KLHDC4: variants seen among roughly 807,000 people sequenced by gnomAD.
KLHDC4 encodes the protein kelch domain-containing protein 4.
Under a neutral mutation model 62.4 loss-of-function variants are expected in KLHDC4, and 90 were observed. The ratio of observed to expected loss-of-function variants is 1.44; its 90% confidence interval spans 1.22 to 1.72. KLHDC4 has a LOEUF of 1.72. KLHDC4 is among the 40% of genes most tolerant of loss of function. The pLI, the probability that KLHDC4 is intolerant of heterozygous loss-of-function variation, is 0.00. For missense variants in KLHDC4, 1,025 were observed against 699.7 expected (o/e 1.47, Z -5.25); for synonymous variants, 386 against 284.4 (o/e 1.36, Z -3.59).
chr16:87,719,803 G>C (rs1421202640), intron 7 of KLHDC4, among the ~76,000 whole-genome samples: 1 of 152,236 alleles, frequency 6.6e-6, no homozygotes, highest in Non-Finnish European at 1.5e-5. Flanking sequence ...GAGAGATCAA[G>C]TGTCAACATG....
intron 5 of KLHDC4, among the ~76,000 whole-genome samples, chr16:87,731,220 C>T (rs548365872): frequency 1.3e-5 from 2 of 151,840 alleles, no homozygotes; most frequent in South Asian, 2.1e-4. Flanking sequence ...TGCACCACCA[C>T]ACCTGGCTGA....
At chr16:87,760,013 C>A (rs981738953) in intron 2 of KLHDC4, among the ~76,000 whole-genome samples, 20 of 152,096 alleles carry the variant, frequency 1.3e-4, no homozygotes, top group African/African-American at 4.6e-4. Flanking sequence ...CATTTAGAAA[C>A]TGGTCATTCT....
At chr16:87,752,336 T>C (rs1165498681) in intron 4 of KLHDC4, among the ~76,000 whole-genome samples, 2 of 133,874 alleles carry the variant, frequency 1.5e-5, no homozygotes, top group Admixed American at 8.0e-5. Flanking sequence ...GCACTGTTTT[T>C]TCTTTTTTTT....
exon 1 of KLHDC4, chr16:87,701,095 C>T (rs2034123117): frequency 5.4e-6 from 1 of 184,942 alleles, no homozygotes; most frequent in Non-Finnish European, 1.1e-5. Context: ...GCTGTATTTT[C>T]ACCATGTGCC....
At chr16:87,700,954 C>G (rs1460405519) in exon 1 of KLHDC4, 4 of 234,072 alleles carry the variant, frequency 1.7e-5, no homozygotes, top group Non-Finnish European at 2.6e-5. Context: ...GCGCCCAGGC[C>G]GCGTGTCAGG....
At chr16:87,708,699 C>G (rs563375424) in intron 10 of KLHDC4, among the ~76,000 whole-genome samples, 1 of 152,222 alleles carries the variant, frequency 6.6e-6, no homozygotes, top group African/African-American at 2.4e-5. Context: ...ACCCCCATAA[C>G]GGAGCGGCTG....
Position 87,709,610 on chromosome 16 carries a change from C to T in KLHDC4, c.1102G>A (p.Gly368Ser). The T allele has an allele frequency of 2.5e-6, 4 of 1,610,650 alleles. No individual in the cohort carries two copies. The highest frequency in any genetic ancestry group is 3.4e-6 in the Non-Finnish European group (4 of 1,178,568). Reference protein sequence around the residue: ...RRGRKEEPEGGSRPACGGAGT... With the variant: ...RRGRKEEPEGSSRPACGGAGT... ...GCTCCCCCACACGCCGGCCTGCTAC[C>T]ACCTTCGGGCTCCTCTTTTCTGCCC... is the stretch of plus-strand genomic sequence containing the variant. Residue 368 changes from glycine (G) to serine (S), a missense_variant, in exon 10 of 12, where the codon GGT becomes AGT. Transcript: ENST00000270583.
chr16:87,752,228 G>A (rs536211747), intron 4 of KLHDC4, among the ~76,000 whole-genome samples: 75 of 147,482 alleles, frequency 5.1e-4, no homozygotes, highest in African/African-American at 1.7e-3. Flanking sequence ...GCAATATAGC[G>A]AGACCCGTTC....
rs576715000 is a variant in KLHDC4, at chr16:87,756,472, T to C, written c.197A>G (p.Asn66Ser). Residue 66 changes from asparagine (N) to serine (S), a missense_variant, in exon 3 of 12, where the codon AAT becomes AGT. Asn to Ser is a conservative substitution (Grantham distance 46). Transcript: ENST00000270583. The stretch of plus-strand genomic sequence containing the variant: ...CTCAGGATGAACCGAGAGGGAGGCA[T>C]TTAACCTACAAGACACACAAGCGGC... The part of the protein sequence containing the change: ...LPCPPPSPRL[N>S]ASLSVHPEKD... 184 of 1,613,470 alleles carry C rather than the reference T, an allele frequency of 1.1e-4. 2 individuals are homozygous for C. The South Asian group carries it at 1.9e-3, about 17-fold the overall frequency.
chr16:87,748,859 C>G (rs760149423), intron 4 of KLHDC4, 50 bp from the exon 5 acceptor site: 4 of 1,606,614 alleles, frequency 2.5e-6, no homozygotes, highest in African/African-American at 1.4e-5. Flanking sequence ...AGCAGAAGGG[C>G]CAGTGTCATG....
In KLHDC4 at chr16:87,748,715, A is replaced by T; in HGVS notation, c.464T>A (p.Leu155His). Reference sequence around the variant, plus strand: ...CTTGGTGGCCAAATGCAGGACCCAGAGATCCTTGTAGTGGTAGAACTGCTC... The same window carrying T: ...CTTGGTGGCCAAATGCAGGACCCAGTGATCCTTGTAGTGGTAGAACTGCTC... ...NGEQFYHYKD[L>H]WVLHLATKTW... is the part of the protein sequence containing the mutation. The change falls in exon 5 of 12, where the codon CTC (leucine) becomes CAC (histidine). Residue 155 changes from leucine to histidine, a missense_variant. Physicochemically the swap from Leu to His is moderately conservative, Grantham distance 99. Transcript: ENST00000270583. 1.2e-6 allele frequency: 2 copies of T among 1,613,630 alleles called. No individual in the cohort carries two copies. The highest frequency in any genetic ancestry group is 1.7e-6 in the Non-Finnish European group (2 of 1,179,938).
chr16:87,753,717 C>T (rs1567813843), intron 4 of KLHDC4, among the ~76,000 whole-genome samples: 1 of 151,832 alleles, frequency 6.6e-6, no homozygotes, highest in African/African-American at 2.4e-5. Flanking sequence ...AGGAGAATCT[C>T]TTGAACTCAG....
At chr16:87,715,667 T>A (rs1025905628) in intron 7 of KLHDC4, among the ~76,000 whole-genome samples, 4 of 152,150 alleles carry the variant, frequency 2.6e-5, no homozygotes, top group Admixed American at 6.5e-5. Context: ...GGGTTATGAA[T>A]CATTAGGACG....
chr16:87,748,727 T>A lies in KLHDC4; in HGVS notation c.452A>T (p.His151Leu), dbSNP rs1326401711. Residue 151 changes from histidine (H) to leucine (L), a missense_variant, in exon 5 of 12, where the codon CAC becomes CTC. Coordinates refer to ENST00000270583, the MANE Select transcript of KLHDC4 (RefSeq NM_017566.4). The part of the protein sequence containing the change: ...FASPNGEQFY[H>L]YKDLWVLHLA... ...ATGCAGGACCCAGAGATCCTTGTAG[T>A]GGTAGAACTGCTCTCCGTTGGGAGA... 1.9e-6 allele frequency: 3 copies of A among 1,613,444 alleles called. No homozygotes were observed. Among genetic ancestry groups the A allele is most frequent in the Non-Finnish European group, 2.5e-6 (3 of 1,179,940 alleles).
At chr16:87,746,373 GAGAA>G (rs992880703) in intron 5 of KLHDC4, among the ~76,000 whole-genome samples, 7 of 151,314 alleles carry the variant, frequency 4.6e-5, no homozygotes, top group African/African-American at 1.7e-4. Context: ...GAGAGAGAGC[GAGAA>G]AGAGAGAAAG....
At chr16:87,709,234 G>A (rs372466663) in intron 10 of KLHDC4, 31 bp downstream of exon 10, 42 of 1,589,910 alleles carry the variant, frequency 2.6e-5, no homozygotes, top group Middle Eastern at 1.7e-4. Flanking sequence ...TCTCGCTCCC[G>A]GGCACGGAGG....
chr16:87,750,002 G>C lies in KLHDC4; in HGVS notation c.370-1193C>G, dbSNP rs142439006. The stretch of plus-strand genomic sequence containing the variant: ...CTCCGGCAGCAGGGGATGCTGAGGA[G>C]AGAGCAGACCACCAATCAAAAACAA... On this transcript the variant is annotated intron_variant, in intron 4 of 11. Coordinates refer to ENST00000270583, the MANE Select transcript of KLHDC4 (RefSeq NM_017566.4). 2.1e-4 allele frequency among the ~76,000 whole-genome samples: 32 copies of C among 152,306 alleles called. 2 individuals are homozygous for C. Among genetic ancestry groups the C allele is most frequent in the African/African-American group, 7.0e-4 (29 of 41,548 alleles).
At chr16:87,737,653 T>C (rs915437498) in intron 5 of KLHDC4, among the ~76,000 whole-genome samples, 35 of 150,374 alleles carry the variant, frequency 2.3e-4, no homozygotes, top group Non-Finnish European at 4.1e-4. Flanking sequence ...AATGGCACGA[T>C]CTCAGCTCAC....
At chr16:87,731,046 C>CTTTTTTTTTT (rs774096264) in intron 5 of KLHDC4, 4 of 72,074 alleles carry the variant, frequency 5.5e-5, no homozygotes, top group Non-Finnish European at 8.3e-5. Flanking sequence ...ATACAGAATT[C>CTTTTTTTTTT]TTTTTTTTTT....
Sources: allele counts gnomAD v4.1 joint callset (sites outside exome capture counted in the v4.1 genomes callset), GRCh38; gene constraint gnomAD v4.1.1; transcripts MANE v1.5; gene names NCBI Gene and HGNC (gene_info 2026-07-23, HGNC 2026-07-21).